The following CREM variants were observed in gnomAD, a reference collection of about 807,000 sequenced individuals.
CREM encodes cAMP-responsive element modulator.
A neutral mutation model predicts 37.3 loss-of-function variants in CREM; 13 were observed. The observed-to-expected ratio is 0.35, with a 90% confidence interval of 0.23 to 0.55. The LOEUF is 0.55. CREM is among the 20% of genes least tolerant of loss of function. The pLI is 0.88. For missense variants in CREM, 296 were observed against 362.3 expected, an observed-to-expected ratio of 0.82 and a Z score of 1.49; for synonymous variants, 124 against 120.2, an observed-to-expected ratio of 1.03 and a Z score of -0.21.
Position 35,205,077 on chromosome 10 carries a change from A to C in CREM, c.599-1818A>C, listed in dbSNP as rs75646475. Among the ~76,000 whole-genome samples the C allele has an allele frequency of 4.0e-3, 615 of 152,312 alleles. 5 individuals are homozygous for C. Among genetic ancestry groups the C allele is most frequent in the Middle Eastern group, 0.014 (4 of 294 alleles). On this transcript the variant is annotated intron_variant, in intron 6 of 7. Transcript: ENST00000685392. ...GCTTTGAGAGAGCATGTATTTTGTA[A>C]TGTCTCATCAGAGTGACAAACTAAC...
intron 3 of CREM, chr10:35,154,177 T>C (rs971060863): frequency 2.5e-6 from 1 of 398,070 alleles, no homozygotes; most frequent in African/African-American, 2.1e-5. Flanking sequence ...GAGTTGTAAA[T>C]TTTCTTTTTT....
chr10:35,146,313 G>A (rs111838656), intron 2 of CREM, among the ~76,000 whole-genome samples: 4,550 of 152,270 alleles, frequency 0.03, 227 homozygotes, highest in African/African-American at 0.1. Context: ...GGGTTTGTTT[G>A]GTAGTCAGAT....
At chr10:35,131,937 C>T (rs765773342) in intron 1 of CREM, among the ~76,000 whole-genome samples, 28 of 152,086 alleles carry the variant, frequency 1.8e-4, no homozygotes, top group Admixed American at 7.9e-4. Flanking sequence ...TCACATTGGC[C>T]GGGTGCGGTG....
chr10:35,189,755 G>A (rs1056995502), intron 6 of CREM, among the ~76,000 whole-genome samples: 1 of 152,086 alleles, frequency 6.6e-6, no homozygotes, highest in Non-Finnish European at 1.5e-5. Context: ...AGCTCAGGCA[G>A]TCCACCCACC....
At chr10:35,188,806 A>C (rs2094772861) in intron 6 of CREM, among the ~76,000 whole-genome samples, 1 of 151,706 alleles carries the variant, frequency 6.6e-6, no homozygotes, top group Non-Finnish European at 1.5e-5. Context: ...TACAGGCATG[A>C]GCCACCACGC....
At chr10:35,164,912 A>G (rs1165462321) in intron 3 of CREM, among the ~76,000 whole-genome samples, 1 of 152,012 alleles carries the variant, frequency 6.6e-6, no homozygotes, top group Non-Finnish European at 1.5e-5. Flanking sequence ...TCAGCTGGGC[A>G]TGGTGGCAGG....
intron 3 of CREM, chr10:35,167,763 C>T: frequency 6.2e-7 from 1 of 1,613,928 alleles, no homozygotes; most frequent in Non-Finnish European, 8.5e-7. Context: ...TTCAGGCGTC[C>T]TATAGAAGAG....
chr10:35,200,734 C>G (rs1238715241), intron 6 of CREM, among the ~76,000 whole-genome samples: 1 of 152,144 alleles, frequency 6.6e-6, no homozygotes, highest in African/African-American at 2.4e-5. Context: ...AGTGTGACAT[C>G]TAAGTTAACC....
chr10:35,167,903 G>GT (rs1564860094), intron 3 of CREM: 2 of 1,117,328 alleles, frequency 1.8e-6, no homozygotes, highest in South Asian at 1.4e-5. Context: ...TTATGTTTTA[G>GT]TTTTTTGTTC....
chr10:35,152,833 A>G (rs1486291069), intron 3 of CREM, among the ~76,000 whole-genome samples: 2 of 152,322 alleles, frequency 1.3e-5, no homozygotes, highest in Non-Finnish European at 1.5e-5. Flanking sequence ...TCCGGAAATA[A>G]TATTGTTTTT....
intron 6 of CREM, among the ~76,000 whole-genome samples, chr10:35,203,707 AG>A (rs1172371536): frequency 6.6e-6 from 1 of 152,118 alleles, no homozygotes; most frequent in African/African-American, 2.4e-5. Context: ...AAAAATAAAA[AG>A]TAAAAAGTTT....
chr10:35,186,758 TTATA>T (rs1286419101), intron 5 of CREM, among the ~76,000 whole-genome samples: 4 of 131,554 alleles, frequency 3.0e-5, no homozygotes, highest in Admixed American at 1.7e-4. Flanking sequence ...TTATATATAG[TTATA>T]TATAATATAT....
chr10:35,185,205 C>T lies in CREM; in HGVS notation c.410-2995C>T, dbSNP rs576309020. Reference sequence around the variant, plus strand: ...GCAACCCCCGCCTCCCAGATTCAAGCGATTCTCCTCCCTCAGCCTCCCGAG... The same window carrying T: ...GCAACCCCCGCCTCCCAGATTCAAGTGATTCTCCTCCCTCAGCCTCCCGAG... On this transcript the variant is annotated intron_variant, in intron 5 of 7. Coordinates refer to ENST00000685392, the MANE Select transcript of CREM (RefSeq NM_183011.2). Among the ~76,000 whole-genome samples, 59 of 151,470 alleles carry T rather than the reference C, an allele frequency of 3.9e-4. 1 individual carries two copies. Among genetic ancestry groups the T allele is most frequent in the South Asian group, 1.3e-3 (6 of 4,800 alleles).
chr10:35,172,896 G>C, intron 3 of CREM, among the ~76,000 whole-genome samples: 1 of 152,184 alleles, frequency 6.6e-6, no homozygotes, highest in East Asian at 1.9e-4. Flanking sequence ...AAGTGAGCTT[G>C]TCAGTTCAAG....
At chr10:35,198,260 C>G (rs1412902788) in intron 6 of CREM, among the ~76,000 whole-genome samples, 1 of 152,046 alleles carries the variant, frequency 6.6e-6, no homozygotes, top group Non-Finnish European at 1.5e-5. Context: ...CGCGGTGGCT[C>G]ACGTCTGTAA....
intron 6 of CREM, among the ~76,000 whole-genome samples, chr10:35,199,407 T>A (rs1210012117): frequency 6.6e-6 from 1 of 152,236 alleles, no homozygotes; most frequent in African/African-American, 2.4e-5. Context: ...GCAAATATAT[T>A]TATTCATTTA....
intron 3 of CREM, among the ~76,000 whole-genome samples, chr10:35,150,820 C>CA (rs902084514): frequency 7.9e-5 from 11 of 138,452 alleles, no homozygotes; most frequent in South Asian, 4.6e-4. Context: ...GACCCTGTCT[C>CA]AAAAAAAAAA....
chr10:35,158,798 G>GTTTTTTTTTTT (rs543961468), intron 3 of CREM, among the ~76,000 whole-genome samples: 1 of 100,838 alleles, frequency 9.9e-6, no homozygotes, highest in African/African-American at 3.5e-5. Flanking sequence ...CAAATATAGT[G>GTTTTTTTTTTT]TTTTTTTTTT....
At chr10:35,159,379 C>T (rs1415337253) in intron 3 of CREM, among the ~76,000 whole-genome samples, 1 of 152,014 alleles carries the variant, frequency 6.6e-6, no homozygotes. Flanking sequence ...AAAACAGATA[C>T]ATTGATCAAT....
Sources: gnomAD v4.1 joint callset for allele counts (sites outside exome capture counted in the v4.1 genomes callset) on GRCh38, gnomAD v4.1.1 for gene constraint, MANE v1.5 for transcripts, NCBI Gene and HGNC (gene_info 2026-07-23, HGNC 2026-07-21) for gene names.